Variants in KIAA0040 observed in about 807,000 individuals in gnomAD.
The protein encoded by KIAA0040 is uncharacterized protein KIAA0040.
KIAA0040 carries 10 observed loss-of-function variants against 7.2 expected under a neutral mutation model. The ratio of observed to expected loss-of-function variants is 1.38; its 90% CI spans 0.85 to 2.34. The LOEUF (loss-of-function observed/expected upper bound fraction) is 2.34, where lower values mean the gene tolerates loss of function less well. Ranked by LOEUF, KIAA0040 falls within the 30% of genes most tolerant of loss-of-function variation. KIAA0040 has a pLI of 0.00. For missense variants in KIAA0040, 89 were observed against 108.2 expected (o/e 0.82, Z 0.79); for synonymous variants, 49 against 40.1 (o/e 1.22, Z -0.84).
intron 2 of KIAA0040, among the ~76,000 whole-genome samples, chr1:175,171,414 A>C (rs1676987707): frequency 6.6e-6 from 1 of 152,214 alleles, no homozygotes; most frequent in African/African-American, 2.4e-5. Flanking sequence ...GAATGAATGA[A>C]TGAATGAGTG....
At chr1:175,190,141 A>C (rs772147334) in intron 1 of KIAA0040, among the ~76,000 whole-genome samples, 3 of 152,214 alleles carry the variant, frequency 2.0e-5, no homozygotes, top group Non-Finnish European at 2.9e-5. Flanking sequence ...ACTAAGTATT[A>C]ATTTTTCACA....
chr1:175,190,619 T>G (rs1677831601), intron 1 of KIAA0040, among the ~76,000 whole-genome samples: 1 of 152,210 alleles, frequency 6.6e-6, no homozygotes, highest in Admixed American at 6.5e-5. Flanking sequence ...CATTCCTCCT[T>G]TACCACATTC....
At chr1:175,181,677 G>A (rs1461804352) in intron 1 of KIAA0040, among the ~76,000 whole-genome samples, 1 of 152,190 alleles carries the variant, frequency 6.6e-6, no homozygotes, top group African/African-American at 2.4e-5. Context: ...AGTGTCCCAA[G>A]GGAAATTCAA....
In KIAA0040 at chr1:175,160,592, T is replaced by C. The variant is rs1571181752; in HGVS notation, c.*122A>G. 7.0e-5 allele frequency: 69 copies of C among 979,846 alleles called. No homozygotes were observed. In the South Asian group the frequency reaches 1.2e-3, roughly 17 times the overall value. The allele number at this position is 979,846 out of a possible 1,614,324, so 60.7% of individuals were successfully genotyped here. A position where few individuals can be genotyped will look rare whatever the true frequency, so the allele number is the denominator to read the frequency against. On this transcript the variant is annotated 3_prime_UTR_variant, in exon 4 of 4. Coordinates refer to ENST00000423313, the MANE Select transcript of KIAA0040 (RefSeq NM_014656.3). ...GACACTTAGTCTGAGGTTTGTTCCTTGGTTGAGTAGTTACTCTGTGGACAT... is the reference window on the plus strand; with the variant it reads ...GACACTTAGTCTGAGGTTTGTTCCTCGGTTGAGTAGTTACTCTGTGGACAT...
chr1:175,175,183 GAACGACCA>G (rs1331467794), intron 2 of KIAA0040, among the ~76,000 whole-genome samples: 1 of 152,024 alleles, frequency 6.6e-6, no homozygotes, highest in East Asian at 1.9e-4. Flanking sequence ...AAAAGCATGA[GAACGACCA>G]AACACTTGTG....
rs1676956914 is a variant in KIAA0040, at chr1:175,170,699, T to G, written c.-309-3962A>C. 2.0e-5 allele frequency among the ~76,000 whole-genome samples: 3 copies of G among 152,218 alleles called. No individual in the cohort carries two copies. The South Asian group carries it at 6.2e-4, about 32-fold the overall frequency. ...CTGACTATGTCCTGACTCCATCCAC[T>G]TCCCACCATTTCCATGGCCAGGCCT... On this transcript the variant is annotated intron_variant, in intron 2 of 3. Transcript: ENST00000423313.
intron 1 of KIAA0040, among the ~76,000 whole-genome samples, chr1:175,183,505 G>C (rs1186930705): frequency 6.6e-6 from 1 of 152,228 alleles, no homozygotes. Flanking sequence ...TAGCAGGGTA[G>C]GTCTCCAGCA....
chr1:175,177,238 T>TA (rs1476436039), intron 2 of KIAA0040, among the ~76,000 whole-genome samples: 1 of 152,204 alleles, frequency 6.6e-6, no homozygotes, highest in African/African-American at 2.4e-5. Context: ...ATACATTTTT[T>TA]ATCAGACCAA....
chr1:175,179,982 C>T lies in KIAA0040; in HGVS notation c.-383-2298G>A, dbSNP rs1298819088. Among the ~76,000 whole-genome samples, 3 of 152,186 alleles carry T rather than the reference C, an allele frequency of 2.0e-5. 1 individual carries two copies. The highest frequency in any genetic ancestry group is 4.1e-4 in the South Asian group (2 of 4,832). On this transcript the variant is annotated intron_variant, in intron 1 of 3. Coordinates refer to ENST00000423313, the MANE Select transcript of KIAA0040 (RefSeq NM_014656.3). ...CCAATCCCCTTCGCAGTTTACAAAG[C>T]CTCCCATTTCTCAAACTCTGTGAGG...
At position 175,181,873 on chromosome 1, in the gene KIAA0040, T is replaced by C. The variant is rs143391504; in HGVS notation, c.-383-4189A>G. Among the ~76,000 whole-genome samples the C allele has an allele frequency of 1.8e-3, 275 of 152,232 alleles. 4 individuals carry two copies. Among genetic ancestry groups the C allele is most frequent in the Non-Finnish European group, 4.7e-4 (32 of 67,998 alleles). ...AAACCCAGCTGGCTCAGAGAAAGAA[T>C]CCAGTCAAAGTGGCCCGTGCTCCAA... is the stretch of plus-strand genomic sequence containing the variant. On this transcript the variant is annotated intron_variant, in intron 1 of 3. Coordinates refer to ENST00000423313, the MANE Select transcript of KIAA0040 (RefSeq NM_014656.3).
chr1:175,188,407 C>T (rs1388874058), intron 1 of KIAA0040, among the ~76,000 whole-genome samples: 2 of 152,136 alleles, frequency 1.3e-5, no homozygotes, highest in Non-Finnish European at 2.9e-5. Context: ...AATTTGCACT[C>T]GATTTTCCTT....
At chr1:175,181,641 G>A (rs528476415) in intron 1 of KIAA0040, among the ~76,000 whole-genome samples, 14 of 152,302 alleles carry the variant, frequency 9.2e-5, no homozygotes, top group African/African-American at 3.1e-4. Context: ...AAGCACAGGC[G>A]AAGTACCATA....
At chr1:175,185,356 T>C (rs1003111649) in intron 1 of KIAA0040, among the ~76,000 whole-genome samples, 2 of 152,228 alleles carry the variant, frequency 1.3e-5, no homozygotes, top group Non-Finnish European at 2.9e-5. Flanking sequence ...TAGAGCACCA[T>C]AAATGTTGCT....
intron 1 of KIAA0040, among the ~76,000 whole-genome samples, chr1:175,179,174 G>A (rs991823878): frequency 1.3e-5 from 2 of 152,188 alleles, no homozygotes; most frequent in African/African-American, 4.8e-5. Context: ...CTAAGGAAGA[G>A]TGGGAACTGA....
chr1:175,190,371 T>C (rs2101916393), intron 1 of KIAA0040, among the ~76,000 whole-genome samples: 1 of 152,332 alleles, frequency 6.6e-6, no homozygotes, highest in South Asian at 2.1e-4. Context: ...CAGGCCTCTT[T>C]AGCTGCCTTC....
chr1:175,180,557 G>A (rs142672899), intron 1 of KIAA0040, among the ~76,000 whole-genome samples: 58 of 152,332 alleles, frequency 3.8e-4, no homozygotes, highest in African/African-American at 1.3e-3. Context: ...TTTGGGTTTG[G>A]AGAGCTCTTT....
At chr1:175,178,615 CT>C (rs1485866851) in intron 1 of KIAA0040, among the ~76,000 whole-genome samples, 1 of 152,192 alleles carries the variant, frequency 6.6e-6, no homozygotes, top group African/African-American at 2.4e-5. Context: ...AGTGTACCAA[CT>C]GGTTCTTATC....
At chr1:175,172,905 G>C (rs1324448197) in intron 2 of KIAA0040, among the ~76,000 whole-genome samples, 1 of 152,208 alleles carries the variant, frequency 6.6e-6, no homozygotes, top group Admixed American at 6.5e-5. Flanking sequence ...CTTGCCAACT[G>C]TAAAGCACTA....
At chr1:175,182,700 A>G (rs893848965) in intron 1 of KIAA0040, among the ~76,000 whole-genome samples, 2 of 152,306 alleles carry the variant, frequency 1.3e-5, no homozygotes, top group East Asian at 1.9e-4. Flanking sequence ...CTGAATATGG[A>G]AAGTCCCCTT....
Sources: allele counts gnomAD v4.1 joint callset (sites outside exome capture counted in the v4.1 genomes callset), GRCh38; gene constraint gnomAD v4.1.1; transcripts MANE v1.5; gene names NCBI Gene and HGNC (gene_info 2026-07-23, HGNC 2026-07-21).